Variants in MTMR8 observed in about 807,000 individuals in gnomAD.
The protein encoded by MTMR8 is myotubularin related protein 8.
A neutral mutation model predicts 39.3 loss-of-function variants in MTMR8; 65 were observed. The observed-to-expected ratio is 1.65, with a 90% CI of 1.35 to 2.03. The LOEUF (loss-of-function observed/expected upper bound fraction) is 2.03, where lower values mean the gene tolerates loss of function less well. Among genes scored for constraint, MTMR8 ranks in the 30% most tolerant of loss-of-function variants. The pLI is 0.00. For missense variants in MTMR8, 777 were observed against 538.9 expected (o/e 1.44, Z -4.37); for synonymous variants, 245 against 185.2 (o/e 1.32, Z -2.62).
intron 12 of MTMR8, among the ~76,000 whole-genome samples, chrX:64,302,387 G>T (rs1039774933): frequency 1.8e-5 from 2 of 112,588 alleles, no homozygotes; most frequent in Non-Finnish European, 3.8e-5. Flanking sequence ...GACCCCTTGC[G>T]CTTCCCAGGT....
chrX:64,376,923 G>A (rs1055225136), intron 1 of MTMR8, among the ~76,000 whole-genome samples: 4 of 111,682 alleles, frequency 3.6e-5, no homozygotes, highest in Non-Finnish European at 5.7e-5. Flanking sequence ...ACACAGCCTC[G>A]GGACACTGCT....
intron 2 of MTMR8, 148 bp downstream of exon 2, chrX:64,359,257 C>A: frequency 2.1e-6 from 1 of 479,940 alleles, no homozygotes; most frequent in East Asian, 4.8e-5. Context: ...ACAATTCAGA[C>A]CATAAAAAGA....
intron 6 of MTMR8, among the ~76,000 whole-genome samples, chrX:64,346,683 G>A (rs1355433964): frequency 9.1e-6 from 1 of 110,431 alleles, no homozygotes; most frequent in Non-Finnish European, 1.9e-5. Context: ...CCTATTTAAT[G>A]TTCAGGTGGC....
chrX:64,367,843 T>C (rs1334126762), intron 1 of MTMR8, among the ~76,000 whole-genome samples: 5 of 111,186 alleles, frequency 4.5e-5, no homozygotes, highest in East Asian at 2.8e-4. Flanking sequence ...GATGACATGA[T>C]TGTATATCTA....
At chrX:64,314,428 T>C (rs181242852) in intron 12 of MTMR8, among the ~76,000 whole-genome samples, 1 of 112,066 alleles carries the variant, frequency 8.9e-6, no homozygotes, top group Non-Finnish European at 1.9e-5. Context: ...CTGCTAGTGG[T>C]GTTAGCATGG....
chrX:64,280,633 G>T (rs1384659621), intron 12 of MTMR8, among the ~76,000 whole-genome samples: 1 of 111,270 alleles, frequency 9.0e-6, no homozygotes, highest in Non-Finnish European at 1.9e-5. Context: ...TTTGAATATA[G>T]GCACAAGACA....
intron 12 of MTMR8, among the ~76,000 whole-genome samples, chrX:64,308,769 G>A (rs1922206968): frequency 9.0e-6 from 1 of 111,284 alleles, no homozygotes; most frequent in South Asian, 3.7e-4. Flanking sequence ...TAAATTTTGT[G>A]GAGTGTGTAA....
At chrX:64,269,567 A>G (rs184225567) in intron 13 of MTMR8, among the ~76,000 whole-genome samples, 299 of 111,245 alleles carry the variant, frequency 2.7e-3, no homozygotes, top group South Asian at 0.017. Flanking sequence ...TACCTCTAAC[A>G]GATATTTTCA....
chrX:64,299,466 C>T (rs1434104717), intron 12 of MTMR8, among the ~76,000 whole-genome samples: 7 of 106,766 alleles, frequency 6.6e-5, no homozygotes, highest in African/African-American at 2.1e-4. Flanking sequence ...TGAGTCTTCT[C>T]TCTTTTTTTC....
chrX:64,343,547 C>G (rs1923268999), intron 8 of MTMR8, 64 bp downstream of exon 8: 1 of 665,112 alleles, frequency 1.5e-6, no homozygotes, highest in Admixed American at 2.8e-5. Context: ...CACCATGGCA[C>G]ACTACTACTT....
intron 8 of MTMR8, among the ~76,000 whole-genome samples, chrX:64,338,577 G>A (rs1923135622): frequency 8.9e-6 from 1 of 112,256 alleles, no homozygotes; most frequent in Admixed American, 9.4e-5. Context: ...AGGAGGACAA[G>A]GGTCAGACCA....
intron 12 of MTMR8, among the ~76,000 whole-genome samples, chrX:64,308,656 C>T (rs187349503): frequency 7.5e-4 from 83 of 110,801 alleles, no homozygotes; most frequent in African/African-American, 2.1e-3. Context: ...TTCTACATAA[C>T]GATTAATAAT....
At chrX:64,344,208 T>C (rs761677826) in intron 7 of MTMR8, among the ~76,000 whole-genome samples, 12 of 111,627 alleles carry the variant, frequency 1.1e-4, no homozygotes, top group South Asian at 3.8e-4. Context: ...ATCTTTTGCC[T>C]TAAAAATCTG....
At chrX:64,375,834 C>T (rs1041834644) in intron 1 of MTMR8, among the ~76,000 whole-genome samples, 2 of 111,906 alleles carry the variant, frequency 1.8e-5, no homozygotes, top group African/African-American at 6.5e-5. Context: ...TGTGTCCCCA[C>T]CCAAATCTCA....
At chrX:64,299,746 T>C (rs1921772355) in intron 12 of MTMR8, among the ~76,000 whole-genome samples, 1 of 101,472 alleles carries the variant, frequency 9.9e-6, no homozygotes, top group South Asian at 5.1e-4. Context: ...TACACACTGC[T>C]TTGAATGCGT....
At chrX:64,305,402 G>A (rs1922074547) in intron 12 of MTMR8, 1 of 246,310 alleles carries the variant, frequency 4.1e-6, no homozygotes, top group Non-Finnish European at 7.5e-6. Context: ...GTACAATATT[G>A]GCATCTATTA....
intron 13 of MTMR8, among the ~76,000 whole-genome samples, chrX:64,269,947 C>T (rs1344623133): frequency 1.8e-5 from 2 of 111,420 alleles, no homozygotes; most frequent in African/African-American, 6.5e-5. Context: ...TGAAATGAAT[C>T]TGATTCTCTC....
At chrX:64,282,460 C>A (rs1007453770) in intron 12 of MTMR8, among the ~76,000 whole-genome samples, 3 of 110,501 alleles carry the variant, frequency 2.7e-5, no homozygotes, top group African/African-American at 9.9e-5. Context: ...ACCTATGTAA[C>A]AAACCTGCAC....
intron 11 of MTMR8, among the ~76,000 whole-genome samples, chrX:64,330,731 A>G (rs1922917124): frequency 1.8e-5 from 2 of 111,947 alleles, no homozygotes; most frequent in South Asian, 7.4e-4. Context: ...GAGAATGGTA[A>G]GAACTGCAGT....
Sources: gnomAD v4.1 joint callset for allele counts (sites outside exome capture counted in the v4.1 genomes callset) on GRCh38, gnomAD v4.1.1 for gene constraint, MANE v1.5 for transcripts, NCBI Gene and HGNC (gene_info 2026-07-23, HGNC 2026-07-21) for gene names.